WASHC2C: variants seen among roughly 807,000 people sequenced by gnomAD.
The protein encoded by WASHC2C is WASH complex subunit 2C, also known as Vaccinia Penetration Factor.
In WASHC2C, 73 loss-of-function variants were observed where a neutral mutation model predicts 142.2. That is an observed-to-expected ratio of 0.51 (90% CI 0.43 to 0.62). WASHC2C has a LOEUF of 0.62. Among genes scored for constraint, WASHC2C ranks in the 20% least tolerant of loss-of-function variants. The pLI is 0.00. For missense variants in WASHC2C, 969 were observed against 1,531.7 expected (o/e 0.63, Z 6.13); for synonymous variants, 337 against 565.5 (o/e 0.60, Z 5.73).
chr10:45,762,490 C>T (rs1220068903), intron 17 of WASHC2C, among the ~76,000 whole-genome samples: 3 of 152,090 alleles, frequency 2.0e-5, no homozygotes, highest in Non-Finnish European at 4.4e-5. Context: ...GCCACAGCAC[C>T]GAGCTGAAAG....
chr10:45,750,602 G>T (rs2053464983), intron 9 of WASHC2C, 149 bp from the exon 10 acceptor site: 1 of 845,968 alleles, frequency 1.2e-6, no homozygotes, highest in Non-Finnish European at 1.9e-6. Context: ...AGCTGTATAG[G>T]GTACATATGT....
intron 21 of WASHC2C, among the ~76,000 whole-genome samples, chr10:45,775,751 G>C (rs1231367218): frequency 7.0e-6 from 1 of 143,720 alleles, no homozygotes; most frequent in South Asian, 2.1e-4. Flanking sequence ...GGCGCATCTC[G>C]GCTCACTGCA....
intron 2 of WASHC2C, among the ~76,000 whole-genome samples, chr10:45,728,082 G>A (rs1235743930): frequency 6.6e-6 from 1 of 152,326 alleles, no homozygotes; most frequent in African/African-American, 2.4e-5. Flanking sequence ...AGGCTGGAGT[G>A]CAAGTGGCTC....
At chr10:45,761,111 A>G (rs1589777522) in intron 17 of WASHC2C, among the ~76,000 whole-genome samples, 1 of 151,910 alleles carries the variant, frequency 6.6e-6, no homozygotes, top group East Asian at 1.9e-4. Flanking sequence ...GGGCTTAGCT[A>G]GGCCGTTGTC....
chr10:45,772,028 A>C (rs141110804), intron 20 of WASHC2C, among the ~76,000 whole-genome samples: 840 of 152,390 alleles, frequency 5.5e-3, no homozygotes, highest in Middle Eastern at 0.02. Flanking sequence ...CTGGATAAAC[A>C]AAATGTATAA....
At chr10:45,784,273 TATATATATATATATATACAC>T (rs1280428831) in intron 23 of WASHC2C, among the ~76,000 whole-genome samples, 39 of 8,024 alleles carry the variant, frequency 4.9e-3, no homozygotes, top group South Asian at 0.038. Flanking sequence ...TATATATATA[TATATATATATATATATACAC>T]ATATATATAT....
In WASHC2C at chr10:45,780,953, C is replaced by G. The variant is rs183656544; in HGVS notation, c.2478+1818C>G. On this transcript the variant is annotated intron_variant, in intron 23 of 30. Transcript: ENST00000623400. ...ATTTTTAGTAGAGACAGGGTTTCAC[C>G]GTGTTGGCCACGCTGACCTTGAACT... is the stretch of plus-strand genomic sequence containing the variant. Among the ~76,000 whole-genome samples the G allele has an allele frequency of 4.0e-5, 6 of 151,414 alleles. No homozygotes were observed. In the East Asian group the frequency reaches 1.2e-3, roughly 30 times the overall value.
At chr10:45,789,896 C>A (rs1332174529) in intron 29 of WASHC2C, among the ~76,000 whole-genome samples, 2 of 152,160 alleles carry the variant, frequency 1.3e-5, no homozygotes, top group Admixed American at 1.3e-4. Context: ...GTAGTGCATG[C>A]AGGCAATAAG....
chr10:45,792,465 T>G lies in WASHC2C; in HGVS notation c.*65T>G. 2 of 1,559,002 alleles carry G rather than the reference T, an allele frequency of 1.3e-6. 1 individual carries two copies. Among genetic ancestry groups the G allele is most frequent in the Non-Finnish European group, 1.7e-6 (2 of 1,142,880 alleles). ...GTTGAGTTAGTGATGATATTGTATA[T>G]GCTCATGGTCTTAACTGGATTACAA... On this transcript the variant is annotated 3_prime_UTR_variant, in exon 31 of 31. Transcript: ENST00000623400.
At chr10:45,743,143 C>G (rs2052350173) in intron 5 of WASHC2C, among the ~76,000 whole-genome samples, 1 of 151,848 alleles carries the variant, frequency 6.6e-6, no homozygotes, top group South Asian at 2.1e-4. Context: ...TCCCAAAGTG[C>G]TAGGATTACA....
intron 23 of WASHC2C, among the ~76,000 whole-genome samples, chr10:45,784,259 T>C (rs1270076479): frequency 0.012 from 48 of 4,154 alleles, no homozygotes; most frequent in East Asian, 0.029. Flanking sequence ...TGTGTATATA[T>C]ATATATATAT....
rs1162473212 is a variant in WASHC2C at position 45,757,076 on chromosome 10, CG to C, written c.1486del (p.Val496Ter). The C allele has an allele frequency of 1.2e-6, 2 of 1,608,018 alleles. No homozygotes were observed. The highest frequency in any genetic ancestry group is 1.7e-6 in the Non-Finnish European group (2 of 1,178,326). On this transcript the variant is annotated frameshift_variant, in exon 16 of 31. Coordinates refer to ENST00000623400, the MANE Select transcript of WASHC2C (RefSeq NM_001330074.2). LOFTEE classifies it high-confidence loss of function. ...AAGGAGATCTGTTCAAAGAAAAAGCCGTAGCATCGCCAGAAGCCACTGTGAG... is the reference window on the plus strand; with the variant it reads ...AAGGAGATCTGTTCAAAGAAAAAGCCTAGCATCGCCAGAAGCCACTGTGAG... ...EEGDLFKEKA[V>X]ASPEATVSQT...
At chr10:45,764,384 G>A (rs1401702841) in intron 18 of WASHC2C, among the ~76,000 whole-genome samples, 155 of 151,782 alleles carry the variant, frequency 1.0e-3, no homozygotes, top group African/African-American at 3.6e-3. Flanking sequence ...AAACATTTGT[G>A]TAGAAGTGGA....
At chr10:45,784,251 T>TATATATATAC (rs2057756453) in intron 23 of WASHC2C, among the ~76,000 whole-genome samples, 2 of 23,410 alleles carry the variant, frequency 8.5e-5, no homozygotes, top group African/African-American at 2.9e-4. Flanking sequence ...TGTGTGTGTG[T>TATATATATAC]GTATATATAT....
intron 10 of WASHC2C, 65 bp downstream of exon 10, chr10:45,750,903 C>A (rs1488535742): frequency 2.1e-5 from 30 of 1,427,656 alleles, no homozygotes; most frequent in Non-Finnish European, 2.8e-5. Flanking sequence ...GCTGGCTTCA[C>A]CAAAGGCGGA....
intron 23 of WASHC2C, among the ~76,000 whole-genome samples, chr10:45,779,934 G>A (rs1322965324): frequency 8.6e-5 from 13 of 150,684 alleles, no homozygotes; most frequent in Admixed American, 1.3e-4. Context: ...GTAGTGAGCC[G>A]AGATCGCACC....
rs782368154 is a variant in WASHC2C at position 45,750,740 on chromosome 10, T to A, written c.844-11T>A. The A allele has an allele frequency of 2.2e-5, 34 of 1,547,292 alleles. No individual in the cohort carries two copies. The highest frequency in any genetic ancestry group is 7.9e-6 in the Non-Finnish European group (9 of 1,146,444). ...ACAAAAAAGCGATTCTTTTGATTTC[T>A]CCTGCTGTAGAAAAGAAGCAGACCT... is the stretch of plus-strand genomic sequence containing the variant. On this transcript the variant is annotated splice_polypyrimidine_tract_variant and intron_variant, in intron 9 of 30. Transcript: ENST00000623400.
chr10:45,783,619 C>A (rs1554888612), intron 23 of WASHC2C, among the ~76,000 whole-genome samples: 1 of 152,104 alleles, frequency 6.6e-6, no homozygotes, highest in African/African-American at 2.4e-5. Context: ...CGCCACCACA[C>A]CCGGCTGATC....
At chr10:45,749,834 A>ATAT (rs1554873189) in intron 8 of WASHC2C, among the ~76,000 whole-genome samples, 1 of 62,846 alleles carries the variant, frequency 1.6e-5, no homozygotes, top group African/African-American at 7.7e-5. Flanking sequence ...TCAAAAAAAA[A>ATAT]AAATATATAT....
Sources: gnomAD v4.1 joint callset for allele counts (sites outside exome capture counted in the v4.1 genomes callset) on GRCh38, gnomAD v4.1.1 for gene constraint, MANE v1.5 for transcripts, NCBI Gene and HGNC (gene_info 2026-07-23, HGNC 2026-07-21) for gene names.